The following SGIP1 variants were observed in gnomAD, a reference collection of about 807,000 sequenced individuals.
SGIP1 encodes SH3-containing GRB2-like protein 3-interacting protein 1.
SGIP1 carries 38 observed loss-of-function variants against 107.5 expected under a neutral mutation model. The observed-to-expected ratio is 0.35, with a 90% CI of 0.27 to 0.46. The LOEUF (loss-of-function observed/expected upper bound fraction) is 0.46, where lower values mean the gene tolerates loss of function less well. Ranked by LOEUF, SGIP1 falls within the 20% of genes least tolerant of loss-of-function variation. The pLI, the probability that SGIP1 is intolerant of heterozygous loss-of-function variation, is 1.00. For missense variants in SGIP1, 929 were observed against 1,019.5 expected (o/e 0.91, Z 1.21); for synonymous variants, 365 against 366.1 (o/e 1.00, Z 0.03).
chr1:66,678,727 G>T (rs114405181), intron 13 of SGIP1, among the ~76,000 whole-genome samples: 348 of 152,266 alleles, frequency 2.3e-3, no homozygotes, highest in African/African-American at 8.0e-3. Flanking sequence ...GGAAGGGGAG[G>T]AGGAGGGAGG....
intron 1 of SGIP1, among the ~76,000 whole-genome samples, chr1:66,597,603 A>T (rs1309062736): frequency 6.6e-6 from 1 of 152,168 alleles, no homozygotes; most frequent in African/African-American, 2.4e-5. Flanking sequence ...TGATCATTGC[A>T]CAGAATTTTC....
chr1:66,619,092 C>T (rs959810707), intron 1 of SGIP1, among the ~76,000 whole-genome samples: 12 of 152,144 alleles, frequency 7.9e-5, no homozygotes, highest in African/African-American at 2.4e-4. Context: ...GCCAACTTAC[C>T]TCCTCTTCTT....
Position 66,741,294 on chromosome 1 carries a change from A to T in SGIP1, c.2322A>T (p.Arg774Ser). ...TAGGGGTGGGTTCTTTGTTGGCAAG[A>T]TTTCAGTTATCTGAAGGCCCAAGCA... ...ENGGVGSLLA[R>S]FQLSEGPSKP... Residue 774 changes from arginine (R) to serine (S), a missense_variant, in exon 24 of 25, where the codon AGA (arginine) becomes AGT (serine). Coordinates refer to ENST00000371037, the MANE Select transcript of SGIP1 (RefSeq NM_032291.4). 6.3e-7 allele frequency: 1 copy of T among 1,595,050 alleles called. No homozygotes were observed. The highest frequency in any genetic ancestry group is 8.5e-7 in the Non-Finnish European group (1 of 1,171,580).
chr1:66,587,556 C>T (rs2062831558), intron 1 of SGIP1, among the ~76,000 whole-genome samples: 1 of 152,022 alleles, frequency 6.6e-6, no homozygotes, highest in African/African-American at 2.4e-5. Context: ...TTTGGGGCCT[C>T]TTGTTACGTT....
At chr1:66,602,884 A>G (rs1181194506) in intron 1 of SGIP1, among the ~76,000 whole-genome samples, 1 of 152,202 alleles carries the variant, frequency 6.6e-6, no homozygotes, top group African/African-American at 2.4e-5. Flanking sequence ...AATATTTTAC[A>G]TAAATTTTTA....
intron 9 of SGIP1, 73 bp from the exon 10 acceptor site, chr1:66,670,922 T>C: frequency 1.4e-6 from 1 of 698,458 alleles, no homozygotes; most frequent in Non-Finnish European, 2.2e-6. Context: ...TTAATTGCAA[T>C]GACAGAAATA....
At chr1:66,643,182 G>A (rs1368777215) in intron 6 of SGIP1, among the ~76,000 whole-genome samples, 2 of 152,190 alleles carry the variant, frequency 1.3e-5, no homozygotes, top group African/African-American at 4.8e-5. Flanking sequence ...TCTGGGCAAA[G>A]CATGTCACAC....
intron 1 of SGIP1, among the ~76,000 whole-genome samples, chr1:66,606,175 G>A (rs1472629772): frequency 2.0e-5 from 3 of 152,124 alleles, no homozygotes; most frequent in Middle Eastern, 3.2e-3. Context: ...TATTCACCAC[G>A]GGGTCTTACA....
chr1:66,651,301 A>G (rs768283035), intron 7 of SGIP1, among the ~76,000 whole-genome samples: 2 of 152,150 alleles, frequency 1.3e-5, no homozygotes, highest in African/African-American at 2.4e-5. Context: ...AACCTGTGAG[A>G]TCAGTACTAT....
intron 18 of SGIP1, among the ~76,000 whole-genome samples, chr1:66,716,477 C>T (rs1476413935): frequency 4.6e-5 from 7 of 152,026 alleles, no homozygotes; most frequent in African/African-American, 1.7e-4. Context: ...ATCTCCTCAC[C>T]TACATTATTG....
chr1:66,707,129 G>A (rs1445275345), intron 18 of SGIP1, among the ~76,000 whole-genome samples: 1 of 152,064 alleles, frequency 6.6e-6, no homozygotes, highest in African/African-American at 2.4e-5. Flanking sequence ...TATGTGTGCT[G>A]CATTTACTTG....
At chr1:66,639,109 A>C (rs1280895201) in intron 4 of SGIP1, among the ~76,000 whole-genome samples, 3 of 152,198 alleles carry the variant, frequency 2.0e-5, no homozygotes, top group Non-Finnish European at 4.4e-5. Context: ...ATATCCAGTA[A>C]ACTTGCAATG....
intron 7 of SGIP1, among the ~76,000 whole-genome samples, chr1:66,646,393 C>A (rs1252555648): frequency 6.6e-6 from 1 of 152,126 alleles, no homozygotes; most frequent in Non-Finnish European, 1.5e-5. Flanking sequence ...ACAAAAGCAT[C>A]AATCATTACA....
chr1:66,689,287 TC>T lies in SGIP1; in HGVS notation c.1443+13del, dbSNP rs2089276394. The T allele has an allele frequency of 8.1e-6, 13 of 1,612,628 alleles. No individual in the cohort carries two copies. The highest frequency in any genetic ancestry group is 1.0e-5 in the Non-Finnish European group (12 of 1,179,254). On this transcript the variant is annotated intron_variant, in intron 16 of 24. Coordinates refer to ENST00000371037, the MANE Select transcript of SGIP1 (RefSeq NM_032291.4). ...GAGTTGGAGATGTGGTATGTTCCCT[TC>T]TGCCCTGGCTTGCTCAGAAACAGTG... is the stretch of plus-strand genomic sequence containing the variant.
At chr1:66,653,199 CT>C (rs2079085046) in intron 7 of SGIP1, among the ~76,000 whole-genome samples, 1 of 152,134 alleles carries the variant, frequency 6.6e-6, no homozygotes, top group African/African-American at 2.4e-5. Context: ...TGGAAATTTT[CT>C]TTTTCAAAAT....
intron 2 of SGIP1, among the ~76,000 whole-genome samples, chr1:66,632,776 G>C (rs1366076628): frequency 6.6e-6 from 1 of 152,188 alleles, no homozygotes; most frequent in Non-Finnish European, 1.5e-5. Context: ...GCCAGCTAGA[G>C]TGGAGTCTCT....
chr1:66,603,435 C>A (rs2066241478), intron 1 of SGIP1, among the ~76,000 whole-genome samples: 1 of 152,044 alleles, frequency 6.6e-6, no homozygotes. Context: ...GCAAACAATG[C>A]TTTCTCAATG....
chr1:66,598,329 G>A (rs940577962), intron 1 of SGIP1, among the ~76,000 whole-genome samples: 1 of 152,184 alleles, frequency 6.6e-6, no homozygotes, highest in Non-Finnish European at 1.5e-5. Context: ...TACCTACTGT[G>A]TTAGAGCCAC....
At chr1:66,721,569 C>T (rs549804437) in intron 19 of SGIP1, among the ~76,000 whole-genome samples, 9 of 152,080 alleles carry the variant, frequency 5.9e-5, no homozygotes, top group Non-Finnish European at 7.4e-5. Flanking sequence ...CCACCACACC[C>T]GGCTAATTTT....
Sources: gnomAD v4.1 joint callset for allele counts (sites outside exome capture counted in the v4.1 genomes callset) on GRCh38, gnomAD v4.1.1 for gene constraint, MANE v1.5 for transcripts, NCBI Gene and HGNC (gene_info 2026-07-23, HGNC 2026-07-21) for gene names.